RFX7: variants seen among roughly 807,000 people sequenced by gnomAD.
The protein encoded by RFX7 is DNA-binding protein RFX7.
In RFX7, 26 loss-of-function variants were observed where a neutral mutation model predicts 111.8. That is an observed-to-expected ratio of 0.23 (90% CI 0.17 to 0.32). RFX7 has a LOEUF of 0.32. RFX7 is among the 10% of genes least tolerant of loss of function. The probability of loss-of-function intolerance (pLI) is 1.00; values close to 1 mark genes in which losing one functional copy is unlikely to be tolerated. For missense variants in RFX7, 1,573 were observed against 1,772.9 expected (o/e 0.89, Z 2.02); for synonymous variants, 624 against 624.4 (o/e 1.00, Z 0.01).
intron 2 of RFX7, among the ~76,000 whole-genome samples, chr15:56,237,596 A>G (rs1276385179): frequency 6.6e-6 from 1 of 151,994 alleles, no homozygotes; most frequent in Non-Finnish European, 1.5e-5. Flanking sequence ...ATTTTCCCCA[A>G]TTAATACCAA....
rs376525518 is a variant in RFX7, at chr15:56,174,464, G to A, written c.195+4806C>T. Among the ~76,000 whole-genome samples the A allele has an allele frequency of 1.3e-5, 2 of 152,194 alleles. 1 individual carries two copies. On this transcript the variant is annotated intron_variant, in intron 3 of 9. Coordinates refer to ENST00000559447, the MANE Select transcript of RFX7 (RefSeq NM_022841.7). Reference sequence around the variant, plus strand: ...GTTGGATAAAAATCAGCATGTGGCTGGGCACGGTTGCTCATACCTGTAATC... The same window carrying A: ...GTTGGATAAAAATCAGCATGTGGCTAGGCACGGTTGCTCATACCTGTAATC...
intron 3 of RFX7, among the ~76,000 whole-genome samples, chr15:56,145,618 A>C (rs1337629565): frequency 5.3e-5 from 8 of 152,052 alleles, no homozygotes; most frequent in African/African-American, 1.9e-4. Context: ...GAAAACAAAC[A>C]CACATTCTCT....
intron 3 of RFX7, among the ~76,000 whole-genome samples, chr15:56,164,081 T>C (rs1385914987): frequency 1.3e-5 from 2 of 152,214 alleles, no homozygotes; most frequent in Non-Finnish European, 2.9e-5. Flanking sequence ...GAATAACCAC[T>C]ACTTAGGTTC....
At chr15:56,103,957 C>T (rs1215071303) in intron 5 of RFX7, among the ~76,000 whole-genome samples, 1 of 152,166 alleles carries the variant, frequency 6.6e-6, no homozygotes, top group Non-Finnish European at 1.5e-5. Context: ...AACCAGTGCT[C>T]ATAAATGAAT....
chr15:56,096,734 A>C, intron 9 of RFX7, 114 bp from the exon 10 acceptor site: 1 of 1,187,446 alleles, frequency 8.4e-7, no homozygotes, highest in Non-Finnish European at 1.1e-6. Flanking sequence ...AAAAGAAAAA[A>C]GTTCCTATGT....
chr15:56,206,880 G>A (rs1431861918), intron 2 of RFX7, among the ~76,000 whole-genome samples: 1 of 151,654 alleles, frequency 6.6e-6, no homozygotes, highest in Non-Finnish European at 1.5e-5. Flanking sequence ...TTGGGGGTGG[G>A]GTGTGGGGAA....
At chr15:56,122,028 T>A (rs943661188) in intron 5 of RFX7, among the ~76,000 whole-genome samples, 17 of 152,178 alleles carry the variant, frequency 1.1e-4, no homozygotes, top group African/African-American at 3.9e-4. Flanking sequence ...GGTGCCTTAT[T>A]TAGTTCGTTT....
chr15:56,099,946 A>G (rs1300307659), intron 8 of RFX7, among the ~76,000 whole-genome samples: 5 of 152,218 alleles, frequency 3.3e-5, no homozygotes, highest in African/African-American at 1.2e-4. Flanking sequence ...AATAGGAAAG[A>G]GATGTTTCTT....
intron 2 of RFX7, among the ~76,000 whole-genome samples, chr15:56,215,850 C>T (rs955894120): frequency 5.3e-5 from 8 of 152,176 alleles, no homozygotes; most frequent in Admixed American, 2.0e-4. Context: ...CAGTCTATCC[C>T]GAGGTTTCAG....
At chr15:56,155,556 T>G (rs1167740583) in intron 3 of RFX7, among the ~76,000 whole-genome samples, 1 of 151,848 alleles carries the variant, frequency 6.6e-6, no homozygotes, top group Non-Finnish European at 1.5e-5. Context: ...TAAGTGGGAG[T>G]TGAACAATGA....
Position 56,101,446 on chromosome 15 carries a change from A to G in RFX7, c.724T>C (p.Leu242=). The G allele has an allele frequency of 6.2e-7, 1 of 1,613,620 alleles. No homozygotes were observed. The highest frequency in any genetic ancestry group is 1.1e-5 in the South Asian group (1 of 91,024). ...TTTACAAGGAAGCGGGCTAATTCCA[A>G]GACGGTGTCAAATGGTTGGCTTAAC... ...KVLSQPFDTV[L]ELARFLVKSH... is the part of the protein sequence containing the mutation. Residue 242 remains leucine, a synonymous_variant, in exon 8 of 10, where the codon TTG becomes CTG. Coordinates refer to ENST00000559447, the MANE Select transcript of RFX7 (RefSeq NM_022841.7).
At chr15:56,188,833 TTTTTTC>T (rs2043069681) in intron 2 of RFX7, among the ~76,000 whole-genome samples, 1 of 152,186 alleles carries the variant, frequency 6.6e-6, no homozygotes, top group Non-Finnish European at 1.5e-5. Context: ...ATAAACATTT[TTTTTTC>T]TTTTTCTTTT....
At chr15:56,107,914 AATACT>A (rs1420389692) in intron 5 of RFX7, among the ~76,000 whole-genome samples, 1 of 152,236 alleles carries the variant, frequency 6.6e-6, no homozygotes, top group African/African-American at 2.4e-5. Context: ...ACCATCAGAG[AATACT>A]ATAAACACCT....
At chr15:56,135,250 A>G (rs1296258539) in intron 5 of RFX7, among the ~76,000 whole-genome samples, 8 of 150,974 alleles carry the variant, frequency 5.3e-5, no homozygotes, top group South Asian at 4.2e-4. Context: ...AAGTGTTCCT[A>G]TTTCTCCACA....
At chr15:56,220,150 T>C (rs542508327) in intron 2 of RFX7, among the ~76,000 whole-genome samples, 3 of 152,360 alleles carry the variant, frequency 2.0e-5, no homozygotes, top group African/African-American at 7.2e-5. Flanking sequence ...CATCTTTTCA[T>C]ATGCTTGTTG....
chr15:56,201,076 G>C (rs1327538849), intron 2 of RFX7, among the ~76,000 whole-genome samples: 1 of 152,120 alleles, frequency 6.6e-6, no homozygotes, highest in Non-Finnish European at 1.5e-5. Context: ...CCAGGTAATG[G>C]TGCTTAATGG....
Position 56,125,390 on chromosome 15 carries a change from T to A in RFX7, c.401+17388A>T, listed in dbSNP as rs2140978689. ...TCTTTTTTTCTATTTCTGTGAAGAATACAATCAGTATTTTGATAGGAATTG... is the reference window on the plus strand; with the variant it reads ...TCTTTTTTTCTATTTCTGTGAAGAAAACAATCAGTATTTTGATAGGAATTG... On this transcript the variant is annotated intron_variant, in intron 5 of 9. Coordinates refer to ENST00000559447, the MANE Select transcript of RFX7 (RefSeq NM_022841.7). Among the ~76,000 whole-genome samples the A allele has an allele frequency of 2.0e-5, 3 of 152,344 alleles. 1 individual carries two copies. The highest frequency in any genetic ancestry group is 2.0e-4 in the Admixed American group (3 of 15,296).
chr15:56,114,027 C>G (rs1278124848), intron 5 of RFX7, among the ~76,000 whole-genome samples: 6 of 152,128 alleles, frequency 3.9e-5, no homozygotes, highest in Non-Finnish European at 5.9e-5. Context: ...TGTTGTAATC[C>G]TCCCTTATTT....
At chr15:56,140,437 C>A (rs959615744) in intron 5 of RFX7, among the ~76,000 whole-genome samples, 1 of 152,198 alleles carries the variant, frequency 6.6e-6, no homozygotes, top group South Asian at 2.1e-4. Context: ...TGACCCCTTG[C>A]GCTTCCCAAG....
Sources: gnomAD v4.1 joint callset for allele counts (sites outside exome capture counted in the v4.1 genomes callset) on GRCh38, gnomAD v4.1.1 for gene constraint, MANE v1.5 for transcripts, NCBI Gene and HGNC (gene_info 2026-07-23, HGNC 2026-07-21) for gene names.